PPHLN1: variants seen among roughly 807,000 people sequenced by gnomAD.
PPHLN1 encodes the protein periphilin-1.
A neutral mutation model predicts 51.3 loss-of-function variants in PPHLN1; 29 were observed. That is an observed-to-expected ratio of 0.57 (90% CI 0.42 to 0.77). PPHLN1 has a LOEUF of 0.77. Among genes scored for constraint, PPHLN1 ranks in the 30% least tolerant of loss-of-function variants. PPHLN1 has a pLI of 0.00. For synonymous variants in PPHLN1, 147 were observed against 147.8 expected (o/e 0.99, Z 0.04); for missense variants, 436 against 438.4 (o/e 0.99, Z 0.05).
At chr12:42,337,633 C>G (rs531120284) in intron 2 of PPHLN1, among the ~76,000 whole-genome samples, 46 of 151,884 alleles carry the variant, frequency 3.0e-4, no homozygotes, top group Non-Finnish European at 6.3e-4. Context: ...CTCTGTAGCC[C>G]AGGCTGGAGT....
chr12:42,406,394 T>C (rs1022713512), intron 9 of PPHLN1, among the ~76,000 whole-genome samples: 2 of 152,214 alleles, frequency 1.3e-5, no homozygotes, highest in African/African-American at 4.8e-5. Flanking sequence ...TTTTTGAACT[T>C]TATACAAATA....
At chr12:42,402,403 T>G (rs2078922995) in intron 9 of PPHLN1, among the ~76,000 whole-genome samples, 1 of 152,204 alleles carries the variant, frequency 6.6e-6, no homozygotes, top group Admixed American at 6.5e-5. Context: ...ATTTTGTTGA[T>G]TGTTATTAGC....
At chr12:42,427,987 C>G (rs190667159) in intron 9 of PPHLN1, among the ~76,000 whole-genome samples, 41 of 151,976 alleles carry the variant, frequency 2.7e-4, no homozygotes, top group Admixed American at 1.4e-3. Flanking sequence ...ATACAAATGG[C>G]CAAAAAATAT....
At chr12:42,344,113 T>C (rs1261877487) in intron 2 of PPHLN1, among the ~76,000 whole-genome samples, 1 of 152,080 alleles carries the variant, frequency 6.6e-6, no homozygotes, top group Non-Finnish European at 1.5e-5. Flanking sequence ...GGGTATAATA[T>C]ATATATTATG....
intron 5 of PPHLN1, among the ~76,000 whole-genome samples, chr12:42,383,906 C>T (rs1394199806): frequency 1.4e-5 from 2 of 143,098 alleles, no homozygotes; most frequent in Middle Eastern, 4.0e-3. Flanking sequence ...ATTGCTTGAA[C>T]CCGGGGGGCG....
At chr12:42,446,682 C>A (rs537256396), downstream of PPHLN1, 17 of 1,555,810 alleles carry the variant, frequency 1.1e-5, no homozygotes, top group Non-Finnish European at 1.4e-5. Context: ...AAACCTGATG[C>A]AAAAAACAGA....
intron 1 of PPHLN1, 96 bp from the exon 2 acceptor site, chr12:42,335,787 G>T: frequency 1.9e-6 from 1 of 523,872 alleles, no homozygotes; most frequent in South Asian, 5.8e-5. Context: ...TAAGATCTCT[G>T]GAAAATATTT....
At chr12:42,446,784 A>G, downstream of PPHLN1, 1 of 755,266 alleles carries the variant, frequency 1.3e-6, no homozygotes, top group African/African-American at 1.7e-5. Context: ...AAGCTTCAGG[A>G]GAGAATAAAG....
intron 4 of PPHLN1, among the ~76,000 whole-genome samples, chr12:42,358,972 TA>T (rs2074335928): frequency 6.6e-6 from 1 of 152,212 alleles, no homozygotes; most frequent in African/African-American, 2.4e-5. Context: ...TTTTTTTTAA[TA>T]AAAATCTTAA....
intron 5 of PPHLN1, among the ~76,000 whole-genome samples, chr12:42,379,915 G>T (rs1385316567): frequency 6.6e-6 from 1 of 152,004 alleles, no homozygotes; most frequent in African/African-American, 2.4e-5. Flanking sequence ...GCCAACTGTA[G>T]AAACCTCTAG....
At chr12:42,425,464 G>A (rs930853366) in intron 9 of PPHLN1, among the ~76,000 whole-genome samples, 1 of 151,442 alleles carries the variant, frequency 6.6e-6, no homozygotes, top group African/African-American at 2.4e-5. Flanking sequence ...TCAGCCCACT[G>A]CAACCTCTGC....
chr12:42,346,113 C>A (rs1338599039), intron 2 of PPHLN1, among the ~76,000 whole-genome samples: 3 of 152,042 alleles, frequency 2.0e-5, no homozygotes, highest in Non-Finnish European at 4.4e-5. Context: ...TTGTATATTT[C>A]ACAAAAATTT....
intron 4 of PPHLN1, among the ~76,000 whole-genome samples, chr12:42,374,424 A>G (rs953386239): frequency 1.5e-5 from 2 of 130,380 alleles, no homozygotes; most frequent in African/African-American, 5.7e-5. Context: ...ATAGAAAAAG[A>G]GAACCAAGAG....
Position 42,426,666 on chromosome 12 carries a change from C to G in PPHLN1, c.910-14649C>G, listed in dbSNP as rs74634927. On this transcript the variant is annotated intron_variant, in intron 9 of 9. Coordinates refer to ENST00000358314, the MANE Select transcript of PPHLN1 (RefSeq NM_201439.2). ...ATATTTGAATAAGCAAATAAAAAGA[C>G]CTTTAGAATTGTAACCCACAGCCAT... Among the ~76,000 whole-genome samples, 196 of 152,124 alleles carry G rather than the reference C, an allele frequency of 1.3e-3. 2 individuals are homozygous for G. In the East Asian group the frequency reaches 0.034, roughly 26 times the overall value.
intron 7 of PPHLN1, among the ~76,000 whole-genome samples, chr12:42,392,185 G>C (rs1796388): frequency 0.6 from 91,838 of 151,990 alleles, 27,915 homozygotes; most frequent in Admixed American, 0.67. Flanking sequence ...CACTGCACTT[G>C]AGCCTGGGTG....
chr12:42,442,789 C>G (rs374160031), downstream of PPHLN1: 33 of 1,610,748 alleles, frequency 2.0e-5, no homozygotes, highest in Non-Finnish European at 2.7e-5. Context: ...GGGGAATTCT[C>G]AAGCTAGGGT....
intron 9 of PPHLN1, among the ~76,000 whole-genome samples, chr12:42,426,172 C>CCACA (rs71084653): frequency 0.07 from 8,536 of 121,904 alleles, 373 homozygotes; most frequent in African/African-American, 0.084. Flanking sequence ...AGACTTGACA[C>CCACA]CACACACACA....
At chr12:42,425,357 C>T (rs1337286926) in intron 9 of PPHLN1, among the ~76,000 whole-genome samples, 69 of 137,308 alleles carry the variant, frequency 5.0e-4, no homozygotes, top group South Asian at 9.8e-4. Flanking sequence ...TCCCAGAGTG[C>T]TGGGATTACA....
At chr12:42,379,556 T>C (rs183515804) in intron 5 of PPHLN1, among the ~76,000 whole-genome samples, 1 of 152,154 alleles carries the variant, frequency 6.6e-6, no homozygotes, top group Non-Finnish European at 1.5e-5. Context: ...TCCTGTAATT[T>C]GTAACACCAG....
Sources: gnomAD v4.1 joint callset for allele counts (sites outside exome capture counted in the v4.1 genomes callset) on GRCh38, gnomAD v4.1.1 for gene constraint, MANE v1.5 for transcripts, NCBI Gene and HGNC (gene_info 2026-07-23, HGNC 2026-07-21) for gene names.